UPF1: variants seen among roughly 807,000 people sequenced by gnomAD.
UPF1 encodes UPF1 RNA helicase and ATPase.
A neutral mutation model predicts 129.2 loss-of-function variants in UPF1; 9 were observed. The observed-to-expected ratio is 0.07, with a 90% CI of 0.04 to 0.12. The LOEUF (loss-of-function observed/expected upper bound fraction) is 0.12. Ranked by LOEUF, UPF1 falls within the 10% of genes least tolerant of loss-of-function variation. The pLI is 1.00. For missense variants in UPF1, 788 were observed against 1,525.3 expected (o/e 0.52, Z 8.05); for synonymous variants, 649 against 644.9 (o/e 1.01, Z -0.10).
intron 3 of UPF1, chr19:18,848,344 CTG>C: frequency 6.2e-6 from 1 of 162,314 alleles, no homozygotes; most frequent in Admixed American, 6.0e-5. Flanking sequence ...GTCGCTTGTT[CTG>C]TGTTTGGGAC....
At chr19:18,861,875 T>A in intron 17 of UPF1, 135 bp from the exon 18 acceptor site, 1 of 1,167,594 alleles carries the variant, frequency 8.6e-7, no homozygotes, top group Non-Finnish European at 1.2e-6. Flanking sequence ...GGACAGCCCC[T>A]AGGTGCGGTG....
chr19:18,851,742 G>A lies in UPF1; in HGVS notation c.811-393G>A, dbSNP rs550516122. Reference sequence around the variant, plus strand: ...ACCGGTGGTCTTTGTGGCAGCCTGCGAGGCGGGTTAGCTGCTCTCGTTCAC... The same window carrying A: ...ACCGGTGGTCTTTGTGGCAGCCTGCAAGGCGGGTTAGCTGCTCTCGTTCAC... On this transcript the variant is annotated intron_variant, in intron 5 of 23. Transcript: ENST00000262803. The surrounding 1 kb of genome is among the most constrained non-coding windows in gnomAD (Gnocchi z 4.2). Among the ~76,000 whole-genome samples the A allele has an allele frequency of 3.3e-5, 5 of 152,312 alleles. No individual in the cohort carries two copies. Among genetic ancestry groups the A allele is most frequent in the African/African-American group, 1.2e-4 (5 of 41,576 alleles).
chr19:18,843,518 G>GTTTTTTTTTT lies in UPF1; in HGVS notation c.232-2453_232-2444dup. On this transcript the variant is annotated intron_variant, in intron 1 of 23. Transcript: ENST00000262803. The stretch of plus-strand genomic sequence containing the variant: ...CTGTGGGAATGAAGTGACTTTCTTT[G>GTTTTTTTTTT]TTTTTTTTTTTTTTTTTTGAGACAG... 1.6e-5 allele frequency among the ~76,000 whole-genome samples: 2 copies of GTTTTTTTTTT among 124,058 alleles called. 1 individual carries two copies. Among genetic ancestry groups the GTTTTTTTTTT allele is most frequent in the Non-Finnish European group, 3.2e-5 (2 of 61,734 alleles). 81.4% of individuals were successfully genotyped at this position (124,058 alleles called of 152,430 possible). A position where few individuals can be genotyped will look rare whatever the true frequency, so the allele number is the denominator to read the frequency against.
chr19:18,838,914 CAATT>C (rs1041988214), intron 1 of UPF1, among the ~76,000 whole-genome samples: 3 of 151,916 alleles, frequency 2.0e-5, no homozygotes, highest in South Asian at 2.1e-4. Context: ...ATTTTTATCA[CAATT>C]AATTACCCGG....
chr19:18,862,894 G>GA (rs1417078766), intron 18 of UPF1: 7 of 152,946 alleles, frequency 4.6e-5, no homozygotes, highest in African/African-American at 1.7e-4. Context: ...AAGTTGGGGG[G>GA]ACCTGGCCTG....
At chr19:18,834,154 T>G (rs2055458640) in intron 1 of UPF1, among the ~76,000 whole-genome samples, 1 of 152,148 alleles carries the variant, frequency 6.6e-6, no homozygotes, top group African/African-American at 2.4e-5. Flanking sequence ...TTATTCCTTT[T>G]AAACATAAAG....
intron 1 of UPF1, among the ~76,000 whole-genome samples, chr19:18,834,186 G>A (rs1320851165): frequency 7.9e-5 from 12 of 152,160 alleles, no homozygotes; most frequent in Admixed American, 5.9e-4. Flanking sequence ...CCATGTGTGA[G>A]TCGACTGTAT....
At chr19:18,845,118 C>A (rs895971986) in intron 1 of UPF1, among the ~76,000 whole-genome samples, 2 of 152,252 alleles carry the variant, frequency 1.3e-5, no homozygotes, top group African/African-American at 4.8e-5. Context: ...GGTGCTGGGA[C>A]TGGCAGTGGG....
intron 15 of UPF1, 22 bp from the exon 16 acceptor site, chr19:18,860,299 A>T: frequency 6.2e-7 from 1 of 1,611,746 alleles, no homozygotes; most frequent in Non-Finnish European, 8.5e-7. Context: ...TTGAAGTGTT[A>T]CTTCTTTCCC....
intron 2 of UPF1, 23 bp from the exon 3 acceptor site, chr19:18,847,721 C>G (rs1402486866): frequency 1.2e-6 from 2 of 1,608,652 alleles, no homozygotes; most frequent in Non-Finnish European, 1.7e-6. Context: ...CCAGCTGTAA[C>G]TGTCGCTGTT....
intron 1 of UPF1, among the ~76,000 whole-genome samples, chr19:18,843,196 CT>C (rs1018319633): frequency 7.9e-5 from 12 of 152,186 alleles, no homozygotes; most frequent in African/African-American, 2.9e-4. Context: ...TGAGCTTGGC[CT>C]TTAGCCAACA....
In UPF1 at chr19:18,865,987, G is replaced by T; in HGVS notation, c.3238-57G>T. 1 of 1,608,938 alleles carries T rather than the reference G, an allele frequency of 6.2e-7. No homozygotes were observed. Among genetic ancestry groups the T allele is most frequent in the Non-Finnish European group, 8.5e-7 (1 of 1,178,718 alleles). On this transcript the variant is annotated intron_variant, in intron 22 of 23. Transcript: ENST00000262803. This position sits in a 1 kb window ranked among gnomAD's most constrained non-coding sequence, Gnocchi z 6.1. ...TTTTCTCTGGGGCTGCTGAGGGCTG[G>T]GTGGATGTGAGCACCCTTGGCCTGT... is the stretch of plus-strand genomic sequence containing the variant.
rs2055827858 is a variant in UPF1, at chr19:18,865,145, G to A, written c.2858-144G>A. ...CCAGGCAGGCTGCTGTAGTTAACAT[G>A]GAGTCCTGCGAATCCGCATCTTCAG... On this transcript the variant is annotated intron_variant, in intron 20 of 23. Coordinates refer to ENST00000262803, the MANE Select transcript of UPF1 (RefSeq NM_002911.4). This position sits in a 1 kb window ranked among gnomAD's most constrained non-coding sequence, Gnocchi z 6.1. 9.5e-7 allele frequency: 1 copy of A among 1,050,970 alleles called. No individual in the cohort carries two copies. The highest frequency in any genetic ancestry group is 1.7e-5 in the South Asian group (1 of 60,072). 65.1% of individuals were successfully genotyped at this position (1,050,970 alleles called of 1,614,324 possible).
In UPF1 at chr19:18,850,796, C is replaced by G; in HGVS notation, c.738C>G (p.Pro246=). The change falls in exon 5 of 24, where the codon CCC becomes CCG. Residue 246 remains proline (P), a synonymous_variant. Transcript: ENST00000262803. This position sits in a 1 kb window ranked among gnomAD's most constrained non-coding sequence, Gnocchi z 7.1. The part of the protein sequence containing the change: ...RCFLSWLVKI[P]SEQEQLRARQ... ...TCCTGTCCTGGCTGGTCAAGATCCC[C>G]TCCGAGCAGGAGCAGCTGCGGGCAC... 1.9e-6 allele frequency: 3 copies of G among 1,610,730 alleles called. No homozygotes were observed. The highest frequency in any genetic ancestry group is 1.7e-6 in the Non-Finnish European group (2 of 1,178,876).
chr19:18,846,086 A>G lies in UPF1; in HGVS notation c.338A>G (p.Tyr113Cys), dbSNP rs373966180. The G allele has an allele frequency of 1.3e-5, 21 of 1,614,024 alleles. No homozygotes were observed. The highest frequency in any genetic ancestry group is 1.6e-5 in the Non-Finnish European group (19 of 1,180,026). ...LNFEEDEEDT[Y>C]YTKDLPIHAC... ...TTCGAGGAAGATGAAGAAGACACCTATTACACGAAGGACCTCCCCATACAC... is the reference window on the plus strand; with the variant it reads ...TTCGAGGAAGATGAAGAAGACACCTGTTACACGAAGGACCTCCCCATACAC... Residue 113 changes from tyrosine to cysteine, a missense_variant, in exon 2 of 24, where the codon TAT (tyrosine) becomes TGT (cysteine). This residue lies in a region of UPF1 where 227 missense variants were observed against 517.9 expected (regional missense o/e 0.44). Coordinates refer to ENST00000262803, the MANE Select transcript of UPF1 (RefSeq NM_002911.4).
Position 18,852,302 on chromosome 19 carries a change from G to A in UPF1, c.972+6G>A. ...AGAAGCTGAAGGAGTCCCAGGTGATGTGTGCGAGAGGGCTTGGCCTGGGGT... is the reference window on the plus strand; with the variant it reads ...AGAAGCTGAAGGAGTCCCAGGTGATATGTGCGAGAGGGCTTGGCCTGGGGT... On this transcript the variant is annotated splice_donor_region_variant and intron_variant, in intron 6 of 23. Transcript: ENST00000262803. 1 of 1,612,726 alleles carries A rather than the reference G, an allele frequency of 6.2e-7. No homozygotes were observed. The highest frequency in any genetic ancestry group is 2.2e-5 in the East Asian group (1 of 44,716).
intron 19 of UPF1, 104 bp downstream of exon 19, chr19:18,863,716 G>T (rs1286680344): frequency 4.2e-6 from 6 of 1,429,550 alleles, no homozygotes; most frequent in Non-Finnish European, 5.6e-6. Flanking sequence ...CTGAGGGAGG[G>T]CTCTCCTAGG....
chr19:18,833,613 C>T (rs999375827), intron 1 of UPF1, among the ~76,000 whole-genome samples: 3 of 151,816 alleles, frequency 2.0e-5, no homozygotes, highest in African/African-American at 7.3e-5. Context: ...ATGTCCTCAT[C>T]ACCCTCTGGA....
In UPF1 at chr19:18,855,641, G is replaced by C; in HGVS notation, c.1545-284G>C. On this transcript the variant is annotated intron_variant, in intron 11 of 23. Transcript: ENST00000262803. The stretch of plus-strand genomic sequence containing the variant: ...TCATTACTGCCTGTTAAAAATGTCA[G>C]GAGTTTAAGGCCAGCCTGAACAGGG... 5.9e-6 allele frequency: 3 copies of C among 510,806 alleles called. 1 individual carries two copies. The highest frequency in any genetic ancestry group is 1.0e-5 in the Non-Finnish European group (3 of 287,318). The allele number at this position is 510,806 out of a possible 1,614,324, so 31.6% of individuals were successfully genotyped here.
Sources: gnomAD v4.1 joint callset for allele counts (sites outside exome capture counted in the v4.1 genomes callset) on GRCh38, gnomAD v4.1.1 for gene constraint, gnomAD v4.1.1 regional missense constraint, Gnocchi (gnomAD v3.1) non-coding constraint, MANE v1.5 for transcripts, NCBI Gene and HGNC (gene_info 2026-07-23, HGNC 2026-07-21) for gene names.